Variants in PSEN1 observed in about 807,000 individuals in gnomAD.
The protein encoded by PSEN1 is presenilin 1, also known as presenilin-1.
In PSEN1, 15 loss-of-function variants were observed where a neutral mutation model predicts 53.5. The observed-to-expected ratio is 0.28, with a 90% CI of 0.19 to 0.43. The LOEUF (loss-of-function observed/expected upper bound fraction) is 0.43, where lower values mean the gene tolerates loss of function less well. Among genes scored for constraint, PSEN1 ranks in the 20% least tolerant of loss-of-function variants. The pLI is 1.00. For missense variants in PSEN1, 387 were observed against 571.2 expected (o/e 0.68, Z 3.29); for synonymous variants, 208 against 209.8 (o/e 0.99, Z 0.08).
chr14:73,197,993 C>A, intron 7 of PSEN1, 38 bp from the exon 8 acceptor site: 3 of 1,159,370 alleles, frequency 2.6e-6, no homozygotes, highest in Non-Finnish European at 2.6e-6. Flanking sequence ...TTAGCCCATA[C>A]ATTTTATTAG....
chr14:73,216,108 C>A (rs1899901888), intron 10 of PSEN1, among the ~76,000 whole-genome samples: 1 of 152,088 alleles, frequency 6.6e-6, no homozygotes, highest in Non-Finnish European at 1.5e-5. Flanking sequence ...ATTCAGCTTC[C>A]AATAACTTCC....
At chr14:73,189,833 A>C in intron 6 of PSEN1, 1 of 250,104 alleles carries the variant, frequency 4.0e-6, no homozygotes, top group South Asian at 4.7e-5. Flanking sequence ...AACATCTTGC[A>C]CAGGCTGCTG....
At chr14:73,181,478 G>A (rs539851961) in intron 5 of PSEN1, among the ~76,000 whole-genome samples, 7 of 152,240 alleles carry the variant, frequency 4.6e-5, no homozygotes, top group South Asian at 4.1e-4. Flanking sequence ...ATAGTTTCAC[G>A]CCAGGTGCAG....
chr14:73,143,205 C>T (rs998514078), intron 1 of PSEN1, among the ~76,000 whole-genome samples: 7 of 152,146 alleles, frequency 4.6e-5, no homozygotes, highest in African/African-American at 1.7e-4. Flanking sequence ...GTACCAGTAG[C>T]GCTTGTTTGT....
intron 1 of PSEN1, among the ~76,000 whole-genome samples, chr14:73,137,953 A>G (rs1480261310): frequency 6.6e-6 from 1 of 151,816 alleles, no homozygotes; most frequent in African/African-American, 2.4e-5. Flanking sequence ...CTGTAGTCCC[A>G]GCTGCTCCCA....
rs1595022700 is a variant in PSEN1, at chr14:73,185,255, G to A, written c.481-1598G>A. Among the ~76,000 whole-genome samples, 6 of 152,268 alleles carry A rather than the reference G, an allele frequency of 3.9e-5. No individual in the cohort carries two copies. The South Asian group carries it at 6.2e-4, about 16-fold the overall frequency. ...GGCACTTTGGGAGGCCAAGGCAGGC[G>A]GCTGGGAGGTGGAGGTTGTAGCGAG... On this transcript the variant is annotated intron_variant, in intron 5 of 11. Coordinates refer to ENST00000324501, the MANE Select transcript of PSEN1 (RefSeq NM_000021.4).
At chr14:73,141,885 G>T (rs2140494524) in intron 1 of PSEN1, among the ~76,000 whole-genome samples, 1 of 152,124 alleles carries the variant, frequency 6.6e-6, no homozygotes, top group Non-Finnish European at 1.5e-5. Context: ...GGCTAACACA[G>T]TGAAACCCCG....
intron 1 of PSEN1, among the ~76,000 whole-genome samples, chr14:73,139,604 A>C (rs1197521660): frequency 6.6e-6 from 1 of 152,194 alleles, no homozygotes; most frequent in African/African-American, 2.4e-5. Context: ...AAGGGGGGCA[A>C]AAAGAAACAG....
intron 3 of PSEN1, among the ~76,000 whole-genome samples, chr14:73,166,766 A>G (rs1897729551): frequency 6.6e-6 from 1 of 152,156 alleles, no homozygotes; most frequent in Non-Finnish European, 1.5e-5. Flanking sequence ...AGCAAAAATA[A>G]TCTTTCTTGA....
intron 3 of PSEN1, among the ~76,000 whole-genome samples, chr14:73,161,274 C>G (rs1055198589): frequency 6.6e-6 from 1 of 152,136 alleles, no homozygotes; most frequent in Non-Finnish European, 1.5e-5. Context: ...CACACCCAGC[C>G]TGATTTGCAG....
At chr14:73,143,161 G>A (rs362458) in intron 1 of PSEN1, among the ~76,000 whole-genome samples, 4,153 of 152,284 alleles carry the variant, frequency 0.027, 190 homozygotes, top group African/African-American at 0.09. Flanking sequence ...ATACTGGACC[G>A]AAATCAAATC....
intron 1 of PSEN1, among the ~76,000 whole-genome samples, chr14:73,143,470 GT>G (rs532018326): frequency 2.0e-5 from 3 of 151,676 alleles, no homozygotes; most frequent in Non-Finnish European, 2.9e-5. Context: ...CCTTTTCTGA[GT>G]TTTTTTTTAC....
chr14:73,215,088 G>A (rs1899858915), intron 10 of PSEN1, among the ~76,000 whole-genome samples: 1 of 151,840 alleles, frequency 6.6e-6, no homozygotes, highest in South Asian at 2.1e-4. Flanking sequence ...AGCCTCCCGA[G>A]TAGCTGGGAC....
chr14:73,182,005 C>A (rs1049969358), intron 5 of PSEN1, among the ~76,000 whole-genome samples: 1 of 152,122 alleles, frequency 6.6e-6, no homozygotes, highest in African/African-American at 2.4e-5. Flanking sequence ...AACTCCTGAC[C>A]TCAGGCAATC....
chr14:73,148,675 G>A (rs1282709875), intron 3 of PSEN1, among the ~76,000 whole-genome samples: 1 of 152,214 alleles, frequency 6.6e-6, no homozygotes, highest in African/African-American at 2.4e-5. Context: ...GCTCATGCCT[G>A]TAATCCCAGC....
intron 9 of PSEN1, 81 bp downstream of exon 9, chr14:73,206,553 C>A: frequency 2.1e-6 from 2 of 968,508 alleles, no homozygotes; most frequent in Non-Finnish European, 3.3e-6. Flanking sequence ...TTTTTATCGT[C>A]TTTCTTTGGT....
chr14:73,200,551 C>T (rs1899138000), intron 8 of PSEN1, among the ~76,000 whole-genome samples: 1 of 152,198 alleles, frequency 6.6e-6, no homozygotes, highest in Non-Finnish European at 1.5e-5. Context: ...CCACTGCTCC[C>T]AGCCCTGTAA....
chr14:73,189,834 C>T (rs1898650431), intron 6 of PSEN1: 1 of 249,834 alleles, frequency 4.0e-6, no homozygotes. Context: ...ACATCTTGCA[C>T]AGGCTGCTGA....
At chr14:73,208,817 C>T (rs189067308) in intron 9 of PSEN1, 129 of 454,490 alleles carry the variant, frequency 2.8e-4, no homozygotes, top group East Asian at 4.9e-4. Context: ...TTCCCCTTTC[C>T]GCCTAGGAGC....
Sources: gnomAD v4.1 joint callset for allele counts (sites outside exome capture counted in the v4.1 genomes callset) on GRCh38, gnomAD v4.1.1 for gene constraint, MANE v1.5 for transcripts, NCBI Gene and HGNC (gene_info 2026-07-23, HGNC 2026-07-21) for gene names.